The following SFTPC variants were observed in gnomAD, a reference collection of about 807,000 sequenced individuals.
SFTPC encodes the protein surfactant protein C, also known as BRICHOS domain containing 6.
A neutral mutation model predicts 19.9 loss-of-function variants in SFTPC; 12 were observed. That is an observed-to-expected ratio of 0.60 (90% CI 0.39 to 0.98). The LOEUF is 0.98. Among genes scored for constraint, SFTPC ranks in the 50% least tolerant of loss-of-function variants. The pLI, the probability that SFTPC is intolerant of heterozygous loss-of-function variation, is 0.00. For synonymous variants in SFTPC, 123 were observed against 103.3 expected, an observed-to-expected ratio of 1.19 and a Z score of -1.16; for missense variants, 219 against 252.2, an observed-to-expected ratio of 0.87 and a Z score of 0.89.
chr8:22,159,791 C>T (rs781531188), upstream of SFTPC: 15 of 1,289,436 alleles, frequency 1.2e-5, no homozygotes, highest in South Asian at 2.5e-5. Context: ...ACAGGGACCC[C>T]GAGATGCCTG....
upstream of SFTPC, chr8:22,158,968 A>T (rs1429500082): frequency 6.6e-6 from 1 of 152,246 alleles, no homozygotes; most frequent in Non-Finnish European, 1.5e-5. Context: ...AGCAACAAAA[A>T]GCGCCCATGT....
In SFTPC at chr8:22,162,828, G is replaced by A; in HGVS notation, c.201+96G>A. The A allele has an allele frequency of 4.0e-6, 6 of 1,517,000 alleles. No homozygotes were observed. In the South Asian group the frequency reaches 6.8e-5, roughly 17 times the overall value. The allele number at this position is 1,517,000 out of a possible 1,614,324, so 94.0% of individuals were successfully genotyped here. A position where few individuals can be genotyped will look rare whatever the true frequency, so the allele number is the denominator to read the frequency against. ...TAGGAAACTGTCCAAGGGGAGTGGA[G>A]GGGAGGAGGCAAGGGGCACAGCTAG... On this transcript the variant is annotated intron_variant, in intron 2 of 5. Coordinates refer to ENST00000679463, the MANE Select transcript of SFTPC (RefSeq NM_001317778.2).
upstream of SFTPC, chr8:22,161,778 C>T (rs767971320): frequency 2.5e-6 from 4 of 1,613,926 alleles, no homozygotes; most frequent in Non-Finnish European, 2.5e-6. Flanking sequence ...CATATAAGAC[C>T]CTGGTCACAC....
upstream of SFTPC, chr8:22,158,463 G>C (rs1827585572): frequency 6.6e-6 from 1 of 152,422 alleles, no homozygotes; most frequent in South Asian, 2.1e-4. Context: ...GGCTGGAGGA[G>C]GAAACGGGGA....
At position 22,164,435 on chromosome 8, in the gene SFTPC, G is replaced by A. The variant is rs1173916668; in HGVS notation, c.*188G>A. On this transcript the variant is annotated 3_prime_UTR_variant, in exon 6 of 6. Transcript: ENST00000679463. ...GCAGAGGTGGCGCCCAGGGGCCCGG[G>A]AACTCCTGCCACAACAGAATAAAGC... 2.0e-6 allele frequency: 3 copies of A among 1,487,000 alleles called. No homozygotes were observed. Among genetic ancestry groups the A allele is most frequent in the African/African-American group, 1.4e-5 (1 of 70,822 alleles). The allele number at this position is 1,487,000 out of a possible 1,614,324, so 92.1% of individuals were successfully genotyped here.
At chr8:22,158,410 A>C (rs1001643674), upstream of SFTPC, among the ~76,000 whole-genome samples, 2 of 152,168 alleles carry the variant, frequency 1.3e-5, no homozygotes, top group Non-Finnish European at 2.9e-5. Flanking sequence ...TGCCCAGTAC[A>C]CAAAGAGCAA....
rs754258407 is a variant in SFTPC at position 22,162,566 on chromosome 8, C to T, written c.43-8C>T. The T allele has an allele frequency of 8.1e-5, 130 of 1,613,294 alleles. No homozygotes were observed. The highest frequency in any genetic ancestry group is 1.0e-4 in the Non-Finnish European group (121 of 1,179,886). On this transcript the variant is annotated splice_region_variant and splice_polypyrimidine_tract_variant and intron_variant, in intron 1 of 5. Transcript: ENST00000679463. Reference sequence around the variant, plus strand: ...ATGCCTGTCTCCTTGCCTGCCCCACCGTGTCAGGACTACTCCGCAGCTCCC... The same window carrying T: ...ATGCCTGTCTCCTTGCCTGCCCCACTGTGTCAGGACTACTCCGCAGCTCCC...
At position 22,163,637 on chromosome 8, in the gene SFTPC, G is replaced by A; in HGVS notation, c.435+91G>A. 3 of 938,566 alleles carry A rather than the reference G, an allele frequency of 3.2e-6. No homozygotes were observed. In the East Asian group the frequency reaches 7.3e-5, roughly 23 times the overall value. 58.1% of individuals were successfully genotyped at this position (938,566 alleles called of 1,614,324 possible). A position where few individuals can be genotyped will look rare whatever the true frequency, so the allele number is the denominator to read the frequency against. ...ATGGTGGCTATTTGTCACCTGTAAA[G>A]CACTGTTCCTCATTGGCTGCCAGCT... On this transcript the variant is annotated intron_variant, in intron 4 of 5. Transcript: ENST00000679463.
At chr8:22,158,930 C>G (rs1181741381), upstream of SFTPC, 1 of 152,234 alleles carries the variant, frequency 6.6e-6, no homozygotes, top group Non-Finnish European at 1.5e-5. Context: ...CTTTCTTTCC[C>G]AGGGCCCGCA....
At chr8:22,164,146 G>C (rs1827929368) in intron 5 of SFTPC, 87 bp downstream of exon 5, 1 of 1,566,700 alleles carries the variant, frequency 6.4e-7, no homozygotes, top group Non-Finnish European at 8.6e-7. Context: ...CTGACCAGGC[G>C]CTGGGGCGTC....
upstream of SFTPC, among the ~76,000 whole-genome samples, chr8:22,160,317 A>C (rs1298986952): frequency 1.3e-5 from 2 of 152,184 alleles, no homozygotes; most frequent in African/African-American, 4.8e-5. Context: ...CTGGGGTGGC[A>C]TGTTAAAGGA....
upstream of SFTPC, chr8:22,159,615 A>G (rs1827634399): frequency 2.3e-6 from 1 of 431,588 alleles, no homozygotes; most frequent in East Asian, 7.1e-5. Context: ...TGTGACAGCT[A>G]CAGCCTAAGG....
intron 3 of SFTPC, 46 bp from the exon 4 acceptor site, chr8:22,163,390 G>A (rs373626962): frequency 3.5e-4 from 543 of 1,561,978 alleles, no homozygotes; most frequent in Non-Finnish European, 4.6e-4. Flanking sequence ...GTCAGGGAGA[G>A]AGCAGGGCAG....
chr8:22,158,709 A>C (rs1029107043), upstream of SFTPC: 3 of 152,230 alleles, frequency 2.0e-5, no homozygotes, highest in Non-Finnish European at 4.4e-5. Context: ...GACCCATCTC[A>C]CAGATGAACA....
upstream of SFTPC, chr8:22,161,516 GC>G: frequency 1.9e-6 from 1 of 533,356 alleles, no homozygotes; most frequent in East Asian, 3.8e-5. Context: ...AGGAAGGCAG[GC>G]ACGCCAGGAA....
rs772568845 is a variant in SFTPC at position 22,163,182 on chromosome 8, G to A, written c.304G>A (p.Val102Met). ...ATFSIGSTGL[V>M]VYDYQQLLIA... is the part of the protein sequence containing the mutation. Reference sequence around the variant, plus strand: ...CTTCTCCATCGGCTCCACTGGCCTCGTGGTGTATGACTACCAGCAGGTGGG... The same window carrying A: ...CTTCTCCATCGGCTCCACTGGCCTCATGGTGTATGACTACCAGCAGGTGGG... The change falls in exon 3 of 6, where the codon GTG (valine) becomes ATG (methionine). Residue 102 changes from valine (V) to methionine (M), a missense_variant. Transcript: ENST00000679463. 4 of 1,614,194 alleles carry A rather than the reference G, an allele frequency of 2.5e-6. No individual in the cohort carries two copies. Among genetic ancestry groups the A allele is most frequent in the South Asian group, 2.2e-5 (2 of 91,080 alleles).
In SFTPC at chr8:22,164,253, C is replaced by G; in HGVS notation, c.*19-13C>G. The G allele has an allele frequency of 6.5e-7, 1 of 1,536,202 alleles. No individual in the cohort carries two copies. The highest frequency in any genetic ancestry group is 8.7e-7 in the Non-Finnish European group (1 of 1,146,896). Reference sequence around the variant, plus strand: ...TTCTCTCTGTCCATCCTCAACATTCCTTTGCTTCACAGGGTCAGTGGAAGC... The same window carrying G: ...TTCTCTCTGTCCATCCTCAACATTCGTTTGCTTCACAGGGTCAGTGGAAGC... On this transcript the variant is annotated splice_polypyrimidine_tract_variant and intron_variant, in intron 5 of 5. Transcript: ENST00000679463.
chr8:22,163,203 G>A lies in SFTPC; in HGVS notation c.324+1G>A. Reference sequence around the variant, plus strand: ...CCTCGTGGTGTATGACTACCAGCAGGTGGGTATGCCCAGACCTCCTGACCC... The same window carrying A: ...CCTCGTGGTGTATGACTACCAGCAGATGGGTATGCCCAGACCTCCTGACCC... On this transcript the variant is annotated splice_donor_variant, in intron 3 of 5. Transcript: ENST00000679463. LOFTEE classifies it high-confidence loss of function. The A allele has an allele frequency of 1.2e-6, 2 of 1,614,196 alleles. No individual in the cohort carries two copies.
At chr8:22,157,894 C>A (rs550732836), upstream of SFTPC, among the ~76,000 whole-genome samples, 4 of 151,884 alleles carry the variant, frequency 2.6e-5, no homozygotes, top group Admixed American at 6.6e-5. Context: ...ATTTTAAATT[C>A]ACATGTAAAT....
Sources: allele counts gnomAD v4.1 joint callset (sites outside exome capture counted in the v4.1 genomes callset), GRCh38; gene constraint gnomAD v4.1.1; transcripts MANE v1.5; gene names NCBI Gene and HGNC (gene_info 2026-07-23, HGNC 2026-07-21).